PPARD: variants seen among roughly 807,000 people sequenced by gnomAD.
The protein encoded by PPARD is peroxisome proliferator-activated receptor delta.
In PPARD, 6 loss-of-function variants were observed where a neutral mutation model predicts 39.5. The ratio of observed to expected loss-of-function variants is 0.15; its 90% CI spans 0.08 to 0.30. The LOEUF (loss-of-function observed/expected upper bound fraction) is 0.30. PPARD is among the 10% of genes least tolerant of loss of function. The probability of loss-of-function intolerance (pLI) is 1.00; values close to 1 mark genes in which losing one functional copy is unlikely to be tolerated. For missense variants in PPARD, 397 were observed against 596.8 expected, an observed-to-expected ratio of 0.67 and a Z score of 3.49; for synonymous variants, 210 against 231.3, an observed-to-expected ratio of 0.91 and a Z score of 0.83.
At chr6:35,355,319 G>A (rs185702941) in intron 2 of PPARD, among the ~76,000 whole-genome samples, 113 of 151,842 alleles carry the variant, frequency 7.4e-4, no homozygotes, top group Non-Finnish European at 1.1e-3. Flanking sequence ...GCACGGTGGC[G>A]CACACCTGTA....
chr6:35,364,748 C>A (rs1280860198), intron 2 of PPARD, among the ~76,000 whole-genome samples: 1 of 149,798 alleles, frequency 6.7e-6, no homozygotes, highest in Non-Finnish European at 1.5e-5. Context: ...GACGGGGTCT[C>A]ACTCTGTCTG....
chr6:35,414,646 C>T (rs1281248914), intron 3 of PPARD, among the ~76,000 whole-genome samples: 1 of 152,174 alleles, frequency 6.6e-6, no homozygotes, highest in African/African-American at 2.4e-5. Flanking sequence ...CCTACCCAGC[C>T]TGAGGGCCAG....
At position 35,365,130 on chromosome 6, in the gene PPARD, C is replaced by CTTTTTTTTTTTTTTTTTTTT. The variant is rs551946022; in HGVS notation, c.-102+17981_-102+18000dup. Among the ~76,000 whole-genome samples, 3 of 121,088 alleles carry CTTTTTTTTTTTTTTTTTTTT rather than the reference C, an allele frequency of 2.5e-5. 1 individual carries two copies. Among genetic ancestry groups the CTTTTTTTTTTTTTTTTTTTT allele is most frequent in the African/African-American group, 1.0e-4 (3 of 29,058 alleles). 79.4% of individuals were successfully genotyped at this position (121,088 alleles called of 152,430 possible). On this transcript the variant is annotated intron_variant, in intron 2 of 7. Transcript: ENST00000360694. ...ACCAGACATGTAGAGCTTCCTTATT[C>CTTTTTTTTTTTTTTTTTTTT]TTTTTTTTTTTTTTTTTTTTGAGAT...
intron 2 of PPARD, among the ~76,000 whole-genome samples, chr6:35,362,412 C>T (rs903595982): frequency 2.5e-4 from 38 of 151,032 alleles, no homozygotes; most frequent in Non-Finnish European, 4.1e-4. Context: ...CCCTGTCCAG[C>T]GCCCCATCTG....
chr6:35,416,979 GTTTA>G (rs147689276), intron 3 of PPARD, among the ~76,000 whole-genome samples: 3,045 of 151,194 alleles, frequency 0.02, 46 homozygotes, highest in African/African-American at 0.042. Flanking sequence ...TTATTTATTT[GTTTA>G]TTTATTTTTT....
At chr6:35,345,912 T>C (rs1380678109) in intron 1 of PPARD, among the ~76,000 whole-genome samples, 1 of 146,276 alleles carries the variant, frequency 6.8e-6, no homozygotes, top group Non-Finnish European at 1.5e-5. Flanking sequence ...AGTCTCGCTC[T>C]GTCGCCCAGG....
intron 1 of PPARD, among the ~76,000 whole-genome samples, chr6:35,343,838 T>C (rs1016449728): frequency 2.6e-5 from 4 of 152,176 alleles, no homozygotes; most frequent in Non-Finnish European, 5.9e-5. Context: ...AATACACTTA[T>C]ACCATGATAC....
chr6:35,411,070 G>A lies in PPARD; in HGVS notation c.-18G>A, dbSNP rs987576319. 4.0e-6 allele frequency: 6 copies of A among 1,499,616 alleles called. No homozygotes were observed. The highest frequency in any genetic ancestry group is 5.4e-6 in the Non-Finnish European group (6 of 1,121,110). The allele number at this position is 1,499,616 out of a possible 1,614,324, so 92.9% of individuals were successfully genotyped here. ...CTATGACTGGGCCTGCAGGTGTGGC[G>A]CCGAGGGGAGATCAGCCATGGAGCA... On this transcript the variant is annotated 5_prime_UTR_variant, in exon 3 of 8. Coordinates refer to ENST00000360694, the MANE Select transcript of PPARD (RefSeq NM_006238.5).
intron 2 of PPARD, among the ~76,000 whole-genome samples, chr6:35,353,612 C>A (rs1761389701): frequency 6.6e-6 from 1 of 152,078 alleles, no homozygotes; most frequent in South Asian, 2.1e-4. Context: ...TTCAAATACG[C>A]TTCAGTTTCA....
At chr6:35,381,269 C>T (rs910599726) in intron 2 of PPARD, among the ~76,000 whole-genome samples, 12 of 152,124 alleles carry the variant, frequency 7.9e-5, no homozygotes, top group Middle Eastern at 6.3e-3. Context: ...GACAAATTAT[C>T]GTTACGTTAC....
At chr6:35,395,256 C>T (rs1162301916) in intron 2 of PPARD, among the ~76,000 whole-genome samples, 6 of 152,162 alleles carry the variant, frequency 3.9e-5, no homozygotes, top group African/African-American at 9.7e-5. Context: ...GGATTGTTTG[C>T]GCTTTAGAGA....
Position 35,424,122 on chromosome 6 carries a change from C to T in PPARD, c.601C>T (p.Leu201Phe). ...NMTKKKARSI[L>F]TGKASHTAPF... ...GACCAAAAAGAAGGCCCGCAGCATC[C>T]TCACCGGCAAAGCCAGCCACACGGC... Residue 201 changes from leucine (L) to phenylalanine (F), a missense_variant, in exon 6 of 8, where the codon CTC becomes TTC. By Grantham distance (22) the Leu-to-Phe change is conservative. Transcript: ENST00000360694. This position sits in a 1 kb window ranked among gnomAD's most constrained non-coding sequence, Gnocchi z 7.1. 1 of 1,613,358 alleles carries T rather than the reference C, an allele frequency of 6.2e-7. No individual in the cohort carries two copies. The highest frequency in any genetic ancestry group is 8.5e-7 in the Non-Finnish European group (1 of 1,180,046).
In PPARD at chr6:35,411,035, G is replaced by A. The variant is rs140654709; in HGVS notation, c.-53G>A. 6.1e-5 allele frequency: 87 copies of A among 1,422,498 alleles called. No individual in the cohort carries two copies. The East Asian group carries it at 1.8e-3, about 30-fold the overall frequency. 88.1% of individuals were successfully genotyped at this position (1,422,498 alleles called of 1,614,324 possible). ...GGTCCATCTGCGTTCAGACCCAGAC[G>A]ATGCCAGAGCTATGACTGGGCCTGC... On this transcript the variant is annotated 5_prime_UTR_variant, in exon 3 of 8. Transcript: ENST00000360694.
At chr6:35,423,915 C>A in intron 5 of PPARD, 31 bp from the exon 6 acceptor site, 1 of 1,610,364 alleles carries the variant, frequency 6.2e-7, no homozygotes, top group Non-Finnish European at 8.5e-7. Flanking sequence ...CCTGCCTGGG[C>A]TCCTTGCTGA....
chr6:35,394,469 T>C (rs1282373591), intron 2 of PPARD, among the ~76,000 whole-genome samples: 3 of 152,076 alleles, frequency 2.0e-5, no homozygotes, highest in Non-Finnish European at 4.4e-5. Context: ...TTTTAGAAAA[T>C]GTAGAAAAAT....
intron 3 of PPARD, among the ~76,000 whole-genome samples, chr6:35,417,697 A>G (rs1481326550): frequency 6.6e-6 from 1 of 151,902 alleles, no homozygotes; most frequent in East Asian, 1.9e-4. Flanking sequence ...ACGCCCAGCT[A>G]ATTTTTGTAT....
chr6:35,373,653 C>G (rs1762621408), intron 2 of PPARD, among the ~76,000 whole-genome samples: 1 of 144,814 alleles, frequency 6.9e-6, no homozygotes, highest in African/African-American at 2.6e-5. Context: ...ACATTTCTTT[C>G]TTTCTTTGTT....
chr6:35,405,990 G>A (rs548832227), intron 2 of PPARD, among the ~76,000 whole-genome samples: 10 of 151,952 alleles, frequency 6.6e-5, no homozygotes, highest in Admixed American at 1.3e-4. Context: ...GCAGCAGTGC[G>A]ATCTTGGCTC....
intron 3 of PPARD, 107 bp downstream of exon 3, chr6:35,411,324 G>C (rs1765413369): frequency 1.4e-5 from 18 of 1,290,516 alleles, no homozygotes; most frequent in Non-Finnish European, 1.5e-5. Flanking sequence ...GAGTAGCAGA[G>C]TGCTGAAGGA....
Sources: gnomAD v4.1 joint callset for allele counts (sites outside exome capture counted in the v4.1 genomes callset) on GRCh38, gnomAD v4.1.1 for gene constraint, Gnocchi (gnomAD v3.1) non-coding constraint, MANE v1.5 for transcripts, NCBI Gene and HGNC (gene_info 2026-07-23, HGNC 2026-07-21) for gene names.